Variants in CNBD1 observed in about 807,000 individuals in gnomAD.
The protein encoded by CNBD1 is cyclic nucleotide-binding domain-containing protein 1.
Under a neutral mutation model 54.4 loss-of-function variants are expected in CNBD1, and 71 were observed. The observed-to-expected ratio is 1.30, with a 90% CI of 1.08 to 1.59. The LOEUF (loss-of-function observed/expected upper bound fraction) is 1.59, where lower values mean the gene tolerates loss of function less well. CNBD1 is among the 40% of genes most tolerant of loss of function. CNBD1 has a pLI of 0.00. For synonymous variants in CNBD1, 182 were observed against 170.7 expected (o/e 1.07, Z -0.51); for missense variants, 659 against 518.0 (o/e 1.27, Z -2.64).
intron 4 of CNBD1, among the ~76,000 whole-genome samples, chr8:87,160,235 A>G (rs1001344440): frequency 6.6e-6 from 1 of 151,976 alleles, no homozygotes; most frequent in African/African-American, 2.4e-5. Context: ...TTTTAATTTT[A>G]TTTTTAAAAA....
At chr8:87,127,031 C>T (rs1407207845) in intron 4 of CNBD1, among the ~76,000 whole-genome samples, 2 of 151,432 alleles carry the variant, frequency 1.3e-5, no homozygotes. Flanking sequence ...CATCTATTCC[C>T]CTGTCTTTAC....
At chr8:87,383,501 T>C (rs532283079), downstream of CNBD1, among the ~76,000 whole-genome samples, 1 of 152,230 alleles carries the variant, frequency 6.6e-6, no homozygotes, top group East Asian at 1.9e-4. Context: ...GGAGGAAATA[T>C]AGAGTCAATG....
intron 8 of CNBD1, among the ~76,000 whole-genome samples, chr8:87,336,256 G>T (rs994070864): frequency 6.6e-6 from 1 of 152,096 alleles, no homozygotes. Flanking sequence ...TTCCTAGGTT[G>T]GGGAAGTTCT....
intron 4 of CNBD1, among the ~76,000 whole-genome samples, chr8:86,945,830 A>G (rs1807451624): frequency 6.6e-6 from 1 of 152,218 alleles, no homozygotes; most frequent in Non-Finnish European, 1.5e-5. Context: ...ACTCATTGAC[A>G]GTAGACTGGT....
intron 2 of CNBD1, among the ~76,000 whole-genome samples, chr8:87,411,315 T>C (rs1026773443): frequency 1.3e-5 from 2 of 150,016 alleles, no homozygotes; most frequent in African/African-American, 2.4e-5. Context: ...ATGTTTAACT[T>C]GTGATTCACC....
intron 4 of CNBD1, among the ~76,000 whole-genome samples, chr8:87,114,887 T>C (rs1238214150): frequency 6.6e-6 from 1 of 152,204 alleles, no homozygotes; most frequent in Non-Finnish European, 1.5e-5. Flanking sequence ...TGATTCCTAT[T>C]GTTAACTACT....
intron 4 of CNBD1, among the ~76,000 whole-genome samples, chr8:87,006,714 A>T (rs1809105128): frequency 6.6e-6 from 1 of 152,186 alleles, no homozygotes; most frequent in African/African-American, 2.4e-5. Flanking sequence ...ATTACAATTC[A>T]ACATGAGATC....
chr8:87,341,121 C>G (rs185760768), intron 8 of CNBD1, among the ~76,000 whole-genome samples: 1 of 152,138 alleles, frequency 6.6e-6, no homozygotes. Flanking sequence ...TGGACTTGTG[C>G]TTGTAAATTT....
chr8:87,097,478 G>T (rs888166624), intron 4 of CNBD1, among the ~76,000 whole-genome samples: 4 of 152,152 alleles, frequency 2.6e-5, no homozygotes, highest in Non-Finnish European at 5.9e-5. Context: ...AAACATTTAT[G>T]TTTCTTCACT....
chr8:86,961,934 A>G (rs1277126876), intron 4 of CNBD1, among the ~76,000 whole-genome samples: 1 of 151,440 alleles, frequency 6.6e-6, no homozygotes, highest in Non-Finnish European at 1.5e-5. Context: ...TTCATGTGCC[A>G]ATCTCCTATT....
intron 4 of CNBD1, among the ~76,000 whole-genome samples, chr8:87,009,158 AG>A (rs1055679243): frequency 4.6e-5 from 7 of 152,240 alleles, no homozygotes; most frequent in African/African-American, 1.4e-4. Context: ...ATGATAAATT[AG>A]TGCCTTTATA....
intron 4 of CNBD1, among the ~76,000 whole-genome samples, chr8:87,087,337 G>C (rs1196267865): frequency 6.8e-6 from 1 of 147,618 alleles, no homozygotes; most frequent in Non-Finnish European, 1.5e-5. Flanking sequence ...AGACATATTG[G>C]GTGTTTGGAG....
intron 10 of CNBD1, among the ~76,000 whole-genome samples, chr8:87,378,215 T>G (rs1810992550): frequency 7.0e-6 from 1 of 142,208 alleles, no homozygotes; most frequent in East Asian, 2.0e-4. Flanking sequence ...GTTTTAGACA[T>G]GAAGTCCTTG....
At chr8:87,311,763 C>T (rs940477424) in intron 8 of CNBD1, among the ~76,000 whole-genome samples, 2 of 151,960 alleles carry the variant, frequency 1.3e-5, no homozygotes, top group African/African-American at 2.4e-5. Context: ...TAGTATGCAG[C>T]TATAAAAAAG....
intron 8 of CNBD1, among the ~76,000 whole-genome samples, chr8:87,351,248 T>C (rs1364849052): frequency 2.0e-5 from 3 of 152,186 alleles, no homozygotes; most frequent in African/African-American, 7.2e-5. Flanking sequence ...AGAGTGTTAG[T>C]ACAGCCCAAG....
intron 4 of CNBD1, among the ~76,000 whole-genome samples, chr8:87,086,420 A>T (rs1274096566): frequency 6.6e-6 from 1 of 152,208 alleles, no homozygotes; most frequent in Non-Finnish European, 1.5e-5. Context: ...GATTGTTAGA[A>T]GGTGGGAGAG....
intron 3 of CNBD1, among the ~76,000 whole-genome samples, chr8:86,909,002 C>T (rs138062042): frequency 2.0e-3 from 310 of 152,202 alleles, no homozygotes; most frequent in African/African-American, 6.9e-3. Flanking sequence ...GTGATCTGCC[C>T]GCCTTGGCCT....
At chr8:86,972,272 A>G (rs1184985899) in intron 4 of CNBD1, among the ~76,000 whole-genome samples, 1 of 152,126 alleles carries the variant, frequency 6.6e-6, no homozygotes, top group Admixed American at 6.6e-5. Context: ...TTTTAAACAT[A>G]GTATTAAATA....
At chr8:87,114,353 A>AT (rs1220277151) in intron 4 of CNBD1, among the ~76,000 whole-genome samples, 8 of 151,764 alleles carry the variant, frequency 5.3e-5, no homozygotes, top group Non-Finnish European at 7.4e-5. Context: ...AGATTGACTA[A>AT]TTTTTTTGTT....
Sources: allele counts gnomAD v4.1 joint callset (sites outside exome capture counted in the v4.1 genomes callset), GRCh38; gene constraint gnomAD v4.1.1; transcripts MANE v1.5; gene names NCBI Gene and HGNC (gene_info 2026-07-23, HGNC 2026-07-21).